Variants in SH3RF2 observed in about 807,000 individuals in gnomAD.
SH3RF2 encodes E3 ubiquitin-protein ligase SH3RF2.
SH3RF2 carries 43 observed loss-of-function variants against 59.0 expected under a neutral mutation model. That is an observed-to-expected ratio of 0.73 (90% confidence interval 0.57 to 0.94). SH3RF2 has a LOEUF of 0.94. Ranked by LOEUF, SH3RF2 falls within the 40% of genes least tolerant of loss-of-function variation. SH3RF2 has a pLI of 0.00. For missense variants in SH3RF2, 930 were observed against 940.1 expected (o/e 0.99, Z 0.14); for synonymous variants, 391 against 391.5 (o/e 1.00, Z 0.01).
chr5:145,940,718 G>T (rs1467576912), intron 2 of SH3RF2, among the ~76,000 whole-genome samples: 1 of 152,152 alleles, frequency 6.6e-6, no homozygotes, highest in African/African-American at 2.4e-5. Context: ...ATTTAGACAT[G>T]CTGTATGACT....
chr5:146,001,052 G>C (rs115139686), intron 3 of SH3RF2, among the ~76,000 whole-genome samples: 19 of 152,196 alleles, frequency 1.2e-4, no homozygotes, highest in African/African-American at 3.4e-4. Flanking sequence ...TAACATAATC[G>C]TGCCTTTCTA....
At chr5:145,960,622 C>T (rs1758595345) in intron 2 of SH3RF2, among the ~76,000 whole-genome samples, 1 of 152,176 alleles carries the variant, frequency 6.6e-6, no homozygotes, top group East Asian at 1.9e-4. Context: ...CTTCCCTGAA[C>T]TTTTGTTTAA....
chr5:145,954,200 C>T (rs756531939), intron 2 of SH3RF2, among the ~76,000 whole-genome samples: 30 of 152,308 alleles, frequency 2.0e-4, no homozygotes, highest in Non-Finnish European at 3.2e-4. Context: ...CCCTTTTCTC[C>T]GCAACCTCGC....
Position 146,013,959 on chromosome 5 carries a change from T to A in SH3RF2, c.957T>A (p.His319Gln). 2 of 1,614,058 alleles carry A rather than the reference T, an allele frequency of 1.2e-6. No individual in the cohort carries two copies. Among genetic ancestry groups the A allele is most frequent in the Non-Finnish European group, 1.7e-6 (2 of 1,179,998 alleles). The change falls in exon 5 of 10, where the codon CAT becomes CAA. Residue 319 changes from histidine to glutamine, a missense_variant. Transcript: ENST00000359120. ...NRMVHSPSGR[H>Q]MVEISTPVLI... ...TGGTCCATTCTCCTTCAGGGCGCCA[T>A]ATGGTAGAGATCAGCACCCCAGTGC... is the stretch of plus-strand genomic sequence containing the variant.
At chr5:146,034,798 G>A (rs1003594573) in intron 5 of SH3RF2, among the ~76,000 whole-genome samples, 1 of 152,072 alleles carries the variant, frequency 6.6e-6, no homozygotes, top group Non-Finnish European at 1.5e-5. Flanking sequence ...TTTATCGAGG[G>A]CACTCAGTTA....
At chr5:146,004,248 G>T in intron 4 of SH3RF2, 95 bp downstream of exon 4, 1 of 947,718 alleles carries the variant, frequency 1.1e-6, no homozygotes, top group Non-Finnish European at 1.6e-6. Context: ...TTGCTATGAG[G>T]CTTATTTCAG....
intron 5 of SH3RF2, among the ~76,000 whole-genome samples, chr5:146,016,352 GTAGATGGA>G (rs1160716761): frequency 1.5e-5 from 2 of 133,020 alleles, no homozygotes; most frequent in African/African-American, 2.8e-5. Flanking sequence ...AGGTAGGTAA[GTAGATGGA>G]TGGATGGATG....
At chr5:146,015,102 T>C (rs989143239) in intron 5 of SH3RF2, among the ~76,000 whole-genome samples, 3 of 152,194 alleles carry the variant, frequency 2.0e-5, no homozygotes, top group Non-Finnish European at 4.4e-5. Context: ...CATGAATTTC[T>C]ACCTTGGGAT....
chr5:145,970,888 C>T (rs564705452), intron 2 of SH3RF2, among the ~76,000 whole-genome samples: 21 of 152,020 alleles, frequency 1.4e-4, no homozygotes, highest in Non-Finnish European at 2.2e-4. Context: ...TTCACTGATA[C>T]GGCCACAAAT....
chr5:145,942,551 C>T (rs1295792821), intron 2 of SH3RF2, among the ~76,000 whole-genome samples: 1 of 152,204 alleles, frequency 6.6e-6, no homozygotes, highest in Non-Finnish European at 1.5e-5. Context: ...TCCTGAGTCT[C>T]AGAGGTTGTG....
downstream of SH3RF2, among the ~76,000 whole-genome samples, chr5:146,067,916 C>T (rs1472227209): frequency 6.6e-6 from 1 of 152,178 alleles, no homozygotes; most frequent in Non-Finnish European, 1.5e-5. Flanking sequence ...GTGCCTATGC[C>T]ATCCTGGTTG....
intron 9 of SH3RF2, among the ~76,000 whole-genome samples, chr5:146,077,013 G>A (rs950791361): frequency 6.6e-6 from 1 of 152,202 alleles, no homozygotes; most frequent in African/African-American, 2.4e-5. Flanking sequence ...CTAGATGAAA[G>A]AAAATTGGAC....
chr5:145,981,091 TTTTTTTC>T (rs1759489770), intron 2 of SH3RF2, among the ~76,000 whole-genome samples: 1 of 152,108 alleles, frequency 6.6e-6, no homozygotes, highest in Non-Finnish European at 1.5e-5. Context: ...TTTCCTCAAT[TTTTTTTC>T]TTTTTTCTTT....
chr5:146,028,037 C>T (rs933678078), intron 5 of SH3RF2, among the ~76,000 whole-genome samples: 10 of 152,138 alleles, frequency 6.6e-5, no homozygotes, highest in Non-Finnish European at 1.3e-4. Flanking sequence ...GTCACTGAGA[C>T]GACCCAACCC....
intron 2 of SH3RF2, among the ~76,000 whole-genome samples, chr5:145,956,201 C>G (rs1261780785): frequency 6.6e-6 from 1 of 152,150 alleles, no homozygotes; most frequent in Non-Finnish European, 1.5e-5. Context: ...ATAGAGAAAG[C>G]TGGAAGAATA....
chr5:145,939,833 C>T (rs2149937163), intron 2 of SH3RF2, among the ~76,000 whole-genome samples: 1 of 152,296 alleles, frequency 6.6e-6, no homozygotes, highest in Admixed American at 6.5e-5. Flanking sequence ...CCCCACCTTG[C>T]AGAAGTCTGA....
rs775124789 is a variant in SH3RF2, at chr5:145,938,251, G to A, written c.323G>A (p.Arg108His). The A allele has an allele frequency of 2.5e-6, 4 of 1,606,016 alleles. No homozygotes were observed. Among genetic ancestry groups the A allele is most frequent in the Admixed American group, 3.3e-5 (2 of 59,806 alleles). ...AGGAAAAGCAGGACCAACCCCAGACGTCTGCAGGCCAGTCCTTTCCGGCTA... is the reference window on the plus strand; with the variant it reads ...AGGAAAAGCAGGACCAACCCCAGACATCTGCAGGCCAGTCCTTTCCGGCTA... ...DGRKSRTNPRRLQASPFRLVP... is the reference protein window; with the variant it reads ...DGRKSRTNPRHLQASPFRLVP... The change falls in exon 2 of 10, where the codon CGT (arginine) becomes CAT (histidine). Residue 108 changes from arginine (R) to histidine (H), a missense_variant. Transcript: ENST00000359120.
intron 2 of SH3RF2, among the ~76,000 whole-genome samples, chr5:145,938,829 C>A (rs994579409): frequency 2.0e-5 from 3 of 152,184 alleles, no homozygotes; most frequent in African/African-American, 7.2e-5. Context: ...AGATACTTGA[C>A]GCGGGAGATA....
At chr5:145,987,084 AC>A (rs1193755187) in intron 2 of SH3RF2, among the ~76,000 whole-genome samples, 1 of 152,222 alleles carries the variant, frequency 6.6e-6, no homozygotes, top group Non-Finnish European at 1.5e-5. Context: ...TTAGCATTCT[AC>A]CAAAGACTGG....
Sources: allele counts gnomAD v4.1 joint callset (sites outside exome capture counted in the v4.1 genomes callset), GRCh38; gene constraint gnomAD v4.1.1; transcripts MANE v1.5; gene names NCBI Gene and HGNC (gene_info 2026-07-23, HGNC 2026-07-21).